PCDHA3: variants seen among roughly 807,000 people sequenced by gnomAD.
The protein encoded by PCDHA3 is protocadherin alpha 3, also known as protocadherin alpha-3.
PCDHA3 carries 41 observed loss-of-function variants against 62.2 expected under a neutral mutation model. The ratio of observed to expected loss-of-function variants is 0.66; its 90% CI spans 0.51 to 0.86. PCDHA3 has a LOEUF of 0.86. Ranked by LOEUF, PCDHA3 falls within the 40% of genes least tolerant of loss-of-function variation. PCDHA3 has a pLI of 0.00. For missense variants in PCDHA3, 1,304 were observed against 1,241.2 expected (o/e 1.05, Z -0.76); for synonymous variants, 640 against 555.4 (o/e 1.15, Z -2.14).
At chr5:140,989,837 T>C (rs1389244965) in intron 3 of PCDHA3, among the ~76,000 whole-genome samples, 1 of 152,120 alleles carries the variant, frequency 6.6e-6, no homozygotes, top group African/African-American at 2.4e-5. Context: ...AGCCTGTCAA[T>C]GAGTGTGTGG....
chr5:140,808,548 C>T (rs782321736), intron 1 of PCDHA3: 5 of 1,614,044 alleles, frequency 3.1e-6, no homozygotes, highest in Non-Finnish European at 2.5e-6. Flanking sequence ...AACGCTCCGG[C>T]GTTCGCGCAG....
rs2098423512 is a variant in PCDHA3 at position 141,012,298 on chromosome 5, T to A, written c.*2361T>A. On this transcript the variant is annotated 3_prime_UTR_variant, in exon 4 of 4. Transcript: ENST00000522353. ...ATGTGGATTCATTTTGAATTGGTGC[T>A]ATTGGTATTTCCTCTGTTATTGCTA... is the stretch of plus-strand genomic sequence containing the variant. The A allele has an allele frequency of 6.5e-6, 1 of 153,804 alleles. No individual in the cohort carries two copies. Among genetic ancestry groups the A allele is most frequent in the Non-Finnish European group, 1.5e-5 (1 of 68,048 alleles). 9.5% of individuals were successfully genotyped at this position (153,804 alleles called of 1,614,324 possible). A position where few individuals can be genotyped will look rare whatever the true frequency, so the allele number is the denominator to read the frequency against.
At position 140,814,356 on chromosome 5, in the gene PCDHA3, C is replaced by T. The variant is rs2150035984; in HGVS notation, c.2394+10765C>T. On this transcript the variant is annotated intron_variant, in intron 1 of 3. Transcript: ENST00000522353. ...TGGAAGGTCTTCTGGGGCAGTTACA[C>T]ATGCGATGCTATCATCTCCTATGAT... 1.3e-5 allele frequency: 2 copies of T among 152,124 alleles called. 1 individual carries two copies. Among genetic ancestry groups the T allele is most frequent in the African/African-American group, 4.8e-5 (2 of 41,516 alleles). 9.4% of individuals were successfully genotyped at this position (152,124 alleles called of 1,614,324 possible). A position where few individuals can be genotyped will look rare whatever the true frequency, so the allele number is the denominator to read the frequency against.
At chr5:140,926,330 G>T (rs1269020840) in intron 1 of PCDHA3, 1 of 152,266 alleles carries the variant, frequency 6.6e-6, no homozygotes, top group East Asian at 1.9e-4. Flanking sequence ...CGGGGTCAGA[G>T]CGCCGGGACC....
intron 1 of PCDHA3, among the ~76,000 whole-genome samples, chr5:140,902,264 C>G (rs1187258512): frequency 6.8e-6 from 1 of 147,240 alleles, no homozygotes; most frequent in Admixed American, 6.9e-5. Context: ...TCTCGAACTC[C>G]TGGGCTCAAG....
At chr5:140,881,377 G>A (rs557722479) in intron 1 of PCDHA3, 222 of 984,702 alleles carry the variant, frequency 2.3e-4, no homozygotes, top group Non-Finnish European at 2.4e-4. Flanking sequence ...AATTGCAGCC[G>A]GCGGCGGTAA....
chr5:140,827,592 C>T (rs1191123188), intron 1 of PCDHA3, among the ~76,000 whole-genome samples: 2 of 152,162 alleles, frequency 1.3e-5, no homozygotes, highest in African/African-American at 4.8e-5. Context: ...CTAGGAAAGA[C>T]AGATGTGGGC....
chr5:140,809,630 T>C, intron 1 of PCDHA3: 1 of 1,506,410 alleles, frequency 6.6e-7, no homozygotes, highest in Non-Finnish European at 8.9e-7. Context: ...ATCAACTTCT[T>C]CGTAAATTTA....
intron 1 of PCDHA3, chr5:140,869,328 G>C: frequency 1.2e-6 from 2 of 1,613,960 alleles, no homozygotes; most frequent in Non-Finnish European, 1.7e-6. Flanking sequence ...GGGACCTTCT[G>C]GAGGTAAATC....
intron 2 of PCDHA3, 146 bp downstream of exon 2, chr5:140,979,153 G>A (rs2096837239): frequency 2.8e-6 from 4 of 1,434,028 alleles, no homozygotes; most frequent in Non-Finnish European, 2.7e-6. Context: ...TTGTCCCCAT[G>A]TTTATTCCTT....
rs782333249 is a variant in PCDHA3 at position 140,978,931 on chromosome 5, CTCTT to C, written c.2395-16_2395-13del. On this transcript the variant is annotated splice_polypyrimidine_tract_variant and intron_variant, in intron 1 of 3. Coordinates refer to ENST00000522353, the MANE Select transcript of PCDHA3 (RefSeq NM_018906.3). ...TGTCTTGTCATTTTAACAGAAAACTCTCTTTGTGATTTTGCAGCCACGACAGCCC... is the reference window on the plus strand; with the variant it reads ...TGTCTTGTCATTTTAACAGAAAACTCTGTGATTTTGCAGCCACGACAGCCC... 4.3e-6 allele frequency: 7 copies of C among 1,614,126 alleles called. No individual in the cohort carries two copies. The Admixed American group carries it at 6.7e-5, about 15-fold the overall frequency.
chr5:140,903,357 T>C (rs1554190932), intron 1 of PCDHA3, among the ~76,000 whole-genome samples: 1 of 152,166 alleles, frequency 6.6e-6, no homozygotes, highest in African/African-American at 2.4e-5. Flanking sequence ...AAACAAGTTT[T>C]TCAAAAATAT....
chr5:140,829,176 A>C lies in PCDHA3; in HGVS notation c.2394+25585A>C. 4.3e-6 allele frequency: 7 copies of C among 1,614,178 alleles called. No homozygotes were observed. In the South Asian group the frequency reaches 6.6e-5, roughly 15 times the overall value. Reference sequence around the variant, plus strand: ...TCCTTATCCTTGCCTGTACGTGAAGACGCTCAATTTGGTACTGTCATCGCC... The same window carrying C: ...TCCTTATCCTTGCCTGTACGTGAAGCCGCTCAATTTGGTACTGTCATCGCC... On this transcript the variant is annotated intron_variant, in intron 1 of 3. Transcript: ENST00000522353.
chr5:140,968,476 G>A (rs1295691287), intron 1 of PCDHA3: 1 of 1,613,974 alleles, frequency 6.2e-7, no homozygotes, highest in East Asian at 2.2e-5. Flanking sequence ...TATATGTGGT[G>A]GACATGAATG....
intron 1 of PCDHA3, among the ~76,000 whole-genome samples, chr5:140,924,446 G>A (rs1554201951): frequency 6.6e-6 from 1 of 152,110 alleles, no homozygotes; most frequent in African/African-American, 2.4e-5. Context: ...ATAACGAATG[G>A]GTTTGTGTGT....
intron 1 of PCDHA3, chr5:140,968,696 A>G (rs1554230980): frequency 6.2e-7 from 1 of 1,614,134 alleles, no homozygotes; most frequent in Non-Finnish European, 8.5e-7. Context: ...AGAAATTAGG[A>G]CTACCAGGAA....
Position 140,830,106 on chromosome 5 carries a change from G to A in PCDHA3, c.2394+26515G>A. The A allele has an allele frequency of 1.9e-6, 3 of 1,613,618 alleles. No individual in the cohort carries two copies. In the South Asian group the frequency reaches 3.3e-5, roughly 18 times the overall value. On this transcript the variant is annotated intron_variant, in intron 1 of 3. Transcript: ENST00000522353. ...ACGGTTCTGGTGTCGCTGGTGGAGAGTGGCCAGGCTCCAAAGGCGTCATCA... is the reference window on the plus strand; with the variant it reads ...ACGGTTCTGGTGTCGCTGGTGGAGAATGGCCAGGCTCCAAAGGCGTCATCA...
chr5:140,964,380 C>T (rs891362271), intron 1 of PCDHA3, among the ~76,000 whole-genome samples: 9 of 152,120 alleles, frequency 5.9e-5, no homozygotes, highest in Non-Finnish European at 1.3e-4. Context: ...AAGGAGAGTC[C>T]TGGTTTTTCT....
At chr5:140,839,954 T>G (rs1241310286) in intron 1 of PCDHA3, among the ~76,000 whole-genome samples, 1 of 151,716 alleles carries the variant, frequency 6.6e-6, no homozygotes, top group Non-Finnish European at 1.5e-5. Context: ...AGACAACATA[T>G]TTTCTGTAAA....
Sources: allele counts gnomAD v4.1 joint callset (sites outside exome capture counted in the v4.1 genomes callset), GRCh38; gene constraint gnomAD v4.1.1; transcripts MANE v1.5; gene names NCBI Gene and HGNC (gene_info 2026-07-23, HGNC 2026-07-21).